The following SH3KBP1 variants were observed in gnomAD, a reference collection of about 807,000 sequenced individuals.
SH3KBP1 encodes the protein SH3 domain-containing kinase-binding protein 1.
In SH3KBP1, 8 loss-of-function variants were observed where a neutral mutation model predicts 50.1. That is an observed-to-expected ratio of 0.16 (90% CI 0.09 to 0.29). The LOEUF (loss-of-function observed/expected upper bound fraction) is 0.29, where lower values mean the gene tolerates loss of function less well. Ranked by LOEUF, SH3KBP1 falls within the 10% of genes least tolerant of loss-of-function variation. The pLI, the probability that SH3KBP1 is intolerant of heterozygous loss-of-function variation, is 1.00. For synonymous variants in SH3KBP1, 227 were observed against 218.6 expected, an observed-to-expected ratio of 1.04 and a Z score of -0.34; for missense variants, 377 against 535.2, an observed-to-expected ratio of 0.70 and a Z score of 2.92.
intron 2 of SH3KBP1, among the ~76,000 whole-genome samples, chrX:19,748,744 C>G (rs1196719294): frequency 9.0e-6 from 1 of 110,772 alleles, no homozygotes; most frequent in Non-Finnish European, 1.9e-5. Context: ...AAGCTCAATG[C>G]AGCCCCACCC....
chrX:19,596,224 T>C (rs2066902309), intron 9 of SH3KBP1, among the ~76,000 whole-genome samples: 3 of 112,101 alleles, frequency 2.7e-5, no homozygotes, highest in African/African-American at 9.7e-5. Flanking sequence ...AAACTCGGTT[T>C]TAGACCACTG....
chrX:19,726,524 G>A (rs1249836136), intron 3 of SH3KBP1, among the ~76,000 whole-genome samples: 1 of 110,912 alleles, frequency 9.0e-6, no homozygotes, highest in African/African-American at 3.3e-5. Flanking sequence ...ACATTGTGCA[G>A]GTTATATAGG....
chrX:19,542,294 T>C, intron 15 of SH3KBP1, 101 bp from the exon 16 acceptor site: 1 of 816,540 alleles, frequency 1.2e-6, no homozygotes, highest in Non-Finnish European at 1.7e-6. Context: ...TGTCCCCGCC[T>C]CTCTCCACAC....
At chrX:19,565,051 A>ATTTTTTTTTTTTT (rs59323105) in intron 13 of SH3KBP1, among the ~76,000 whole-genome samples, 14 of 66,518 alleles carry the variant, frequency 2.1e-4, no homozygotes, top group African/African-American at 1.1e-3. Flanking sequence ...TTCAACTCCA[A>ATTTTTTTTTTTTT]TTTTTTTTTT....
Position 19,590,433 on chromosome X carries a change from A to G in SH3KBP1, c.1139-1631T>C, listed in dbSNP as rs1489388234. On this transcript the variant is annotated intron_variant, in intron 11 of 17. Transcript: ENST00000397821. ...TTCTACGTCCCTCACCCGCTGTGGCATATAACAAGGGATCATGGGAGAGGA... is the reference window on the plus strand; with the variant it reads ...TTCTACGTCCCTCACCCGCTGTGGCGTATAACAAGGGATCATGGGAGAGGA... Among the ~76,000 whole-genome samples, 48 of 111,507 alleles carry G rather than the reference A, an allele frequency of 4.3e-4. 1 individual carries two copies. The Admixed American group carries it at 4.6e-3, about 11-fold the overall frequency.
intron 8 of SH3KBP1, among the ~76,000 whole-genome samples, chrX:19,611,016 C>T (rs929605023): frequency 9.0e-6 from 1 of 110,955 alleles, no homozygotes; most frequent in Non-Finnish European, 1.9e-5. Flanking sequence ...TCCTGAGTAG[C>T]TTGGACTACA....
intron 2 of SH3KBP1, among the ~76,000 whole-genome samples, chrX:19,765,219 A>G (rs1435778093): frequency 9.1e-6 from 1 of 110,130 alleles, no homozygotes; most frequent in Non-Finnish European, 1.9e-5. Flanking sequence ...GTCCTTAGTA[A>G]TAGTTTCTTA....
At chrX:19,664,470 T>A (rs1237372648) in intron 6 of SH3KBP1, among the ~76,000 whole-genome samples, 2 of 111,263 alleles carry the variant, frequency 1.8e-5, no homozygotes, top group Non-Finnish European at 3.8e-5. Flanking sequence ...GCTGTATCTC[T>A]TTCAGCCTCT....
intron 6 of SH3KBP1, among the ~76,000 whole-genome samples, chrX:19,669,719 T>C (rs1305632839): frequency 9.0e-6 from 1 of 111,722 alleles, no homozygotes; most frequent in Non-Finnish European, 1.9e-5. Context: ...TCTCAAGCCA[T>C]TGCCGATGAA....
At chrX:19,828,454 C>T (rs1018323323) in intron 2 of SH3KBP1, among the ~76,000 whole-genome samples, 4 of 111,960 alleles carry the variant, frequency 3.6e-5, no homozygotes, top group Non-Finnish European at 7.5e-5. Context: ...GGGAGGATCA[C>T]TTGAGCCCAG....
At chrX:19,732,260 C>A (rs2064402845) in intron 3 of SH3KBP1, among the ~76,000 whole-genome samples, 1 of 111,157 alleles carries the variant, frequency 9.0e-6, no homozygotes, top group African/African-American at 3.3e-5. Context: ...ACTTCAAAAT[C>A]TTCTGTTTAT....
At chrX:19,857,312 T>C (rs1045333235) in intron 1 of SH3KBP1, among the ~76,000 whole-genome samples, 1 of 110,709 alleles carries the variant, frequency 9.0e-6, no homozygotes, top group Admixed American at 9.7e-5. Flanking sequence ...GAAGGACTCA[T>C]GGGCAGAGGC....
chrX:19,653,455 G>A (rs1169516327), intron 6 of SH3KBP1, among the ~76,000 whole-genome samples: 1 of 110,586 alleles, frequency 9.0e-6, no homozygotes, highest in Non-Finnish European at 1.9e-5. Flanking sequence ...GCTTACGCCT[G>A]TAATCCCAGC....
chrX:19,564,531 GC>G (rs1331801803), intron 13 of SH3KBP1, among the ~76,000 whole-genome samples: 2 of 109,154 alleles, frequency 1.8e-5, no homozygotes, highest in East Asian at 5.8e-4. Context: ...CCTTAAGATG[GC>G]CCCTCTCCCC....
intron 1 of SH3KBP1, among the ~76,000 whole-genome samples, chrX:19,875,056 T>C (rs1272423896): frequency 9.0e-6 from 1 of 111,001 alleles, no homozygotes; most frequent in East Asian, 2.8e-4. Flanking sequence ...CATCTCTACC[T>C]CAGGGGTTAA....
chrX:19,788,971 A>C (rs1429927843), intron 2 of SH3KBP1, among the ~76,000 whole-genome samples: 1 of 111,427 alleles, frequency 9.0e-6, no homozygotes, highest in East Asian at 2.8e-4. Context: ...TGAAAGTACA[A>C]AAATTAGCCG....
chrX:19,731,700 A>C (rs1603139191), intron 3 of SH3KBP1, among the ~76,000 whole-genome samples: 2 of 112,219 alleles, frequency 1.8e-5, no homozygotes, highest in Non-Finnish European at 3.8e-5. Context: ...TTTGCCTTGA[A>C]GTAACTTGTT....
intron 1 of SH3KBP1, among the ~76,000 whole-genome samples, chrX:19,861,861 GCT>G (rs1213043861): frequency 8.9e-6 from 1 of 111,988 alleles, no homozygotes; most frequent in African/African-American, 3.2e-5. Flanking sequence ...TTCTGCTCAT[GCT>G]CTGACTTTCT....
intron 2 of SH3KBP1, among the ~76,000 whole-genome samples, chrX:19,758,333 A>G (rs1345443536): frequency 1.2e-5 from 1 of 86,432 alleles, no homozygotes; most frequent in Non-Finnish European, 2.0e-5. Context: ...GTTTCAAAAA[A>G]AAAAAAAAAA....
Sources: allele counts gnomAD v4.1 joint callset (sites outside exome capture counted in the v4.1 genomes callset), GRCh38; gene constraint gnomAD v4.1.1; transcripts MANE v1.5; gene names NCBI Gene and HGNC (gene_info 2026-07-23, HGNC 2026-07-21).